The following TAF3 variants were observed in gnomAD, a reference collection of about 807,000 sequenced individuals.
TAF3 encodes TATA-box binding protein associated factor 3.
A neutral mutation model predicts 80.6 loss-of-function variants in TAF3; 7 were observed. The observed-to-expected ratio is 0.09, with a 90% confidence interval of 0.05 to 0.16. The LOEUF (loss-of-function observed/expected upper bound fraction) is 0.16, where lower values mean the gene tolerates loss of function less well. Ranked by LOEUF, TAF3 falls within the 10% of genes least tolerant of loss-of-function variation. TAF3 has a pLI of 1.00. For synonymous variants in TAF3, 444 were observed against 446.1 expected (o/e 1.00, Z 0.06); for missense variants, 921 against 1,140.2 (o/e 0.81, Z 2.77).
At chr10:7,870,496 AT>A (rs2131144759) in intron 2 of TAF3, among the ~76,000 whole-genome samples, 1 of 152,260 alleles carries the variant, frequency 6.6e-6, no homozygotes, top group African/African-American at 2.4e-5. Context: ...CTGGTGGTTC[AT>A]TATAAAATAC....
At chr10:7,976,663 A>G (rs1187853652) in intron 3 of TAF3, among the ~76,000 whole-genome samples, 1 of 152,084 alleles carries the variant, frequency 6.6e-6, no homozygotes, top group African/African-American at 2.4e-5. Context: ...AGGCCTCCCA[A>G]GGTGCTGAGA....
intron 2 of TAF3, among the ~76,000 whole-genome samples, chr10:7,892,970 C>T (rs572237141): frequency 1.3e-5 from 2 of 151,996 alleles, no homozygotes; most frequent in South Asian, 4.1e-4. Flanking sequence ...TAGGCATGCA[C>T]CACCACACCC....
chr10:7,831,473 G>A (rs1369205691), intron 2 of TAF3, among the ~76,000 whole-genome samples: 2 of 152,070 alleles, frequency 1.3e-5, no homozygotes, highest in Admixed American at 6.6e-5. Flanking sequence ...AGCCTCTCCA[G>A]TAGCTGGGAT....
rs1178915759 is a variant in TAF3 at position 8,002,463 on chromosome 10, A to C, written c.2316-6615A>C. ...TTTGTTTCTTAGTTTGAATTCTAAC[A>C]CATTTTATTTTAATAACCATCATGT... On this transcript the variant is annotated intron_variant, in intron 4 of 6. Coordinates refer to ENST00000344293, the MANE Select transcript of TAF3 (RefSeq NM_031923.4). 4.6e-5 allele frequency among the ~76,000 whole-genome samples: 7 copies of C among 152,216 alleles called. No homozygotes were observed. In the South Asian group the frequency reaches 8.3e-4, roughly 18 times the overall value.
chr10:7,828,236 C>G (rs1035698531), intron 2 of TAF3, among the ~76,000 whole-genome samples: 3 of 151,948 alleles, frequency 2.0e-5, no homozygotes, highest in African/African-American at 7.2e-5. Context: ...ATAGCAGGAC[C>G]CTGTCTCTGA....
chr10:7,958,507 T>G (rs116445988), intron 2 of TAF3, among the ~76,000 whole-genome samples: 2,517 of 151,982 alleles, frequency 0.017, 72 homozygotes, highest in African/African-American at 0.058. Flanking sequence ...AAAAAAATTA[T>G]AGTATCATAC....
intron 2 of TAF3, among the ~76,000 whole-genome samples, chr10:7,844,446 G>A (rs1429373584): frequency 8.2e-5 from 12 of 146,310 alleles, no homozygotes; most frequent in African/African-American, 2.0e-4. Flanking sequence ...GCGCGATCTC[G>A]GCTCACTGCA....
At chr10:7,951,111 C>A (rs1838077968) in intron 2 of TAF3, among the ~76,000 whole-genome samples, 1 of 152,216 alleles carries the variant, frequency 6.6e-6, no homozygotes, top group South Asian at 2.1e-4. Flanking sequence ...TTATAGGAAC[C>A]TAACCGTGTA....
At chr10:7,829,819 C>T (rs979921136) in intron 2 of TAF3, among the ~76,000 whole-genome samples, 5 of 152,120 alleles carry the variant, frequency 3.3e-5, no homozygotes, top group African/African-American at 1.2e-4. Flanking sequence ...GGGAGTTATG[C>T]GTCCCGCTTT....
intron 2 of TAF3, among the ~76,000 whole-genome samples, chr10:7,825,149 T>G (rs1836727881): frequency 6.6e-6 from 1 of 152,196 alleles, no homozygotes; most frequent in Admixed American, 6.5e-5. Context: ...TGTTGATCAC[T>G]AAGTTCACTA....
In TAF3 at chr10:7,976,508, G is replaced by A. The variant is rs531527212; in HGVS notation, c.2233-733G>A. 4.2e-3 allele frequency among the ~76,000 whole-genome samples: 637 copies of A among 150,790 alleles called. 4 individuals carry two copies. Among genetic ancestry groups the A allele is most frequent in the African/African-American group, 0.015 (607 of 40,988 alleles). The stretch of plus-strand genomic sequence containing the variant: ...CGGCTCACTGTAAGCTCCGCCTCCC[G>A]GGTTCACACCATTTTCCTGCCTCAG... On this transcript the variant is annotated intron_variant, in intron 3 of 6. Transcript: ENST00000344293.
At chr10:7,844,420 A>C (rs1256138443) in intron 2 of TAF3, among the ~76,000 whole-genome samples, 2 of 137,000 alleles carry the variant, frequency 1.5e-5, no homozygotes, top group Non-Finnish European at 3.0e-5. Context: ...CTCTGTCACC[A>C]GGCTGGAGTG....
intron 4 of TAF3, among the ~76,000 whole-genome samples, chr10:7,999,443 G>A (rs1408117371): frequency 1.5e-5 from 2 of 137,740 alleles, no homozygotes; most frequent in East Asian, 2.1e-4. Flanking sequence ...AAAAAAGAAA[G>A]AAAGAAAGAA....
At position 7,818,583 on chromosome 10, in the gene TAF3, C is replaced by CG; in HGVS notation, c.-122dup. 9.2e-7 allele frequency: 1 copy of CG among 1,082,850 alleles called. No individual in the cohort carries two copies. Among genetic ancestry groups the CG allele is most frequent in the Non-Finnish European group, 1.3e-6 (1 of 798,322 alleles). 67.1% of individuals were successfully genotyped at this position (1,082,850 alleles called of 1,614,324 possible). ...GCTGCTGGGGCTTTGAGGTGGTCGC[C>CG]GGGGGTCCGGGGGACCCTTTCCCCG... On this transcript the variant is annotated 5_prime_UTR_variant, in exon 1 of 7. Transcript: ENST00000344293.
At chr10:7,991,753 A>G (rs1831836402) in intron 4 of TAF3, among the ~76,000 whole-genome samples, 1 of 152,224 alleles carries the variant, frequency 6.6e-6, no homozygotes, top group South Asian at 2.1e-4. Context: ...ATAAGAATTC[A>G]TATAAAGCAT....
intron 2 of TAF3, among the ~76,000 whole-genome samples, chr10:7,851,122 A>C (rs1406407645): frequency 6.6e-6 from 1 of 152,168 alleles, no homozygotes; most frequent in Non-Finnish European, 1.5e-5. Flanking sequence ...TATGAGAAAA[A>C]CATAGAGCAT....
At chr10:7,865,443 C>T (rs374603046) in intron 2 of TAF3, among the ~76,000 whole-genome samples, 20 of 152,110 alleles carry the variant, frequency 1.3e-4, no homozygotes, top group East Asian at 9.7e-4. Flanking sequence ...CGCGCCTCTG[C>T]ACTCCAGCCT....
intron 2 of TAF3, among the ~76,000 whole-genome samples, chr10:7,953,063 G>A (rs935516813): frequency 1.3e-5 from 2 of 151,988 alleles, no homozygotes; most frequent in East Asian, 3.9e-4. Context: ...GACTGCCCCA[G>A]CCTCTTCTCC....
chr10:7,917,526 A>G (rs946754748), intron 2 of TAF3, among the ~76,000 whole-genome samples: 1 of 152,250 alleles, frequency 6.6e-6, no homozygotes, highest in African/African-American at 2.4e-5. Flanking sequence ...ATAGGCCATG[A>G]TATGGAATGG....
Sources: gnomAD v4.1 joint callset for allele counts (sites outside exome capture counted in the v4.1 genomes callset) on GRCh38, gnomAD v4.1.1 for gene constraint, MANE v1.5 for transcripts, NCBI Gene and HGNC (gene_info 2026-07-23, HGNC 2026-07-21) for gene names.